Variants in SAMD12 observed in about 807,000 individuals in gnomAD.
The protein encoded by SAMD12 is sterile alpha motif domain-containing protein 12.
Under a neutral mutation model 15.0 loss-of-function variants are expected in SAMD12, and 9 were observed. The observed-to-expected ratio is 0.60, with a 90% CI of 0.36 to 1.05. The LOEUF is 1.05. Among genes scored for constraint, SAMD12 ranks in the 50% least tolerant of loss-of-function variants. The pLI, the probability that SAMD12 is intolerant of heterozygous loss-of-function variation, is 0.01. For missense variants in SAMD12, 230 were observed against 234.2 expected (o/e 0.98, Z 0.12); for synonymous variants, 86 against 90.1 (o/e 0.96, Z 0.25).
chr8:118,418,007 C>A (rs1046722370), intron 3 of SAMD12, among the ~76,000 whole-genome samples: 12 of 152,166 alleles, frequency 7.9e-5, no homozygotes, highest in African/African-American at 2.7e-4. Flanking sequence ...GCACAGCTGA[C>A]TTCCAGTTGG....
chr8:118,144,488 A>AT, the SAMD12 span, among the ~76,000 whole-genome samples: 1 of 152,154 alleles, frequency 6.6e-6, no homozygotes, highest in African/African-American at 2.4e-5. Flanking sequence ...TAGACATTTA[A>AT]TGATATTTGG....
intron 4 of SAMD12, among the ~76,000 whole-genome samples, chr8:118,308,259 C>T (rs1262894106): frequency 6.6e-6 from 1 of 152,084 alleles, no homozygotes. Flanking sequence ...CTTCCTCTTT[C>T]CACTCTTCTA....
the SAMD12 span, among the ~76,000 whole-genome samples, chr8:118,134,011 A>G: frequency 6.6e-6 from 1 of 152,168 alleles, no homozygotes; most frequent in East Asian, 1.9e-4. Flanking sequence ...TTCGAGCTCT[A>G]ATGTTACAAC....
chr8:118,424,559 T>G (rs956014388), intron 3 of SAMD12, among the ~76,000 whole-genome samples: 2 of 152,106 alleles, frequency 1.3e-5, no homozygotes, highest in African/African-American at 4.8e-5. Context: ...TTCTAAACAT[T>G]TAAGAGTAAC....
At chr8:118,468,302 G>T (rs550684706) in intron 2 of SAMD12, among the ~76,000 whole-genome samples, 1 of 151,946 alleles carries the variant, frequency 6.6e-6, no homozygotes, top group African/African-American at 2.4e-5. Context: ...GGAGAGATGG[G>T]TTTTTTTGCC....
chr8:118,204,918 G>A (rs1280880187), intron 4 of SAMD12, among the ~76,000 whole-genome samples: 1 of 152,182 alleles, frequency 6.6e-6, no homozygotes, highest in African/African-American at 2.4e-5. Context: ...AGTCTGTGAT[G>A]GTTAATTTTA....
intron 3 of SAMD12, among the ~76,000 whole-genome samples, chr8:118,420,203 G>C (rs1373964537): frequency 1.3e-5 from 2 of 152,188 alleles, no homozygotes; most frequent in African/African-American, 4.8e-5. Flanking sequence ...GCTAGAGAAA[G>C]AAAATCGGGA....
chr8:118,241,010 C>T (rs1200029915), intron 4 of SAMD12, among the ~76,000 whole-genome samples: 1 of 152,144 alleles, frequency 6.6e-6, no homozygotes, highest in Non-Finnish European at 1.5e-5. Flanking sequence ...TCGGCTTTAC[C>T]TTCCCCTACA....
chr8:118,483,507 T>A (rs1165036544), intron 2 of SAMD12, among the ~76,000 whole-genome samples: 3 of 152,312 alleles, frequency 2.0e-5, no homozygotes, highest in East Asian at 3.9e-4. Flanking sequence ...GAGACCAAGG[T>A]TGCCATCTAG....
At chr8:118,253,824 C>A (rs775098547) in intron 4 of SAMD12, among the ~76,000 whole-genome samples, 1 of 152,054 alleles carries the variant, frequency 6.6e-6, no homozygotes, top group Non-Finnish European at 1.5e-5. Flanking sequence ...AAATCAAAAC[C>A]CACTTATTCT....
At chr8:118,497,491 T>A (rs945310847) in intron 2 of SAMD12, among the ~76,000 whole-genome samples, 1 of 152,176 alleles carries the variant, frequency 6.6e-6, no homozygotes, top group Non-Finnish European at 1.5e-5. Context: ...CCTCATGTTC[T>A]CACTTATAAG....
intron 4 of SAMD12, among the ~76,000 whole-genome samples, chr8:118,325,934 A>C (rs1201328570): frequency 6.6e-6 from 1 of 152,200 alleles, no homozygotes; most frequent in African/African-American, 2.4e-5. Context: ...ACAACAGCCC[A>C]GCAGGGCGGC....
intron 4 of SAMD12, among the ~76,000 whole-genome samples, chr8:118,273,023 T>C (rs1813403642): frequency 6.6e-6 from 1 of 152,186 alleles, no homozygotes; most frequent in Admixed American, 6.5e-5. Flanking sequence ...AGTATCCTTA[T>C]AGCGGCACAA....
chr8:118,446,785 G>A (rs1465292935), intron 2 of SAMD12, among the ~76,000 whole-genome samples: 2 of 152,002 alleles, frequency 1.3e-5, no homozygotes, highest in Admixed American at 6.6e-5. Context: ...TTCACATGTC[G>A]TATCAGGGCT....
chr8:118,440,657 A>ACACACACACACAC (rs1822715196), intron 2 of SAMD12, among the ~76,000 whole-genome samples: 1 of 142,130 alleles, frequency 7.0e-6, no homozygotes, highest in Non-Finnish European at 1.5e-5. Flanking sequence ...TTATGAGGAA[A>ACACACACACACAC]ACACACACAC....
At chr8:118,383,477 A>G (rs1819777580) in intron 3 of SAMD12, among the ~76,000 whole-genome samples, 1 of 152,058 alleles carries the variant, frequency 6.6e-6, no homozygotes, top group East Asian at 1.9e-4. Context: ...AAGTTGCCAC[A>G]TGAATGAAAA....
rs567838138 is a variant in SAMD12, at chr8:118,331,236, A to G, written c.433+48324T>C. On this transcript the variant is annotated intron_variant, in intron 4 of 4. Transcript: ENST00000409003. Reference sequence around the variant, plus strand: ...AAAGATGGACTAAGAACATGGACTTAGTATACACAGCAGATGCACCAGGGG... The same window carrying G: ...AAAGATGGACTAAGAACATGGACTTGGTATACACAGCAGATGCACCAGGGG... Among the ~76,000 whole-genome samples the G allele has an allele frequency of 4.6e-5, 7 of 152,334 alleles. No individual in the cohort carries two copies. In the South Asian group the frequency reaches 1.4e-3, roughly 32 times the overall value.
chr8:118,621,789 C>G lies in SAMD12; in HGVS notation c.13+15G>C. On this transcript the variant is annotated intron_variant, in intron 1 of 3. Coordinates refer to ENST00000314727, the MANE Select transcript of SAMD12 (RefSeq NM_207506.3). ...GGTTAAGAGGGAGCTTAAAAATGCCCCAAGCGTCCCTTACCTTCCACAGCC... is the reference window on the plus strand; with the variant it reads ...GGTTAAGAGGGAGCTTAAAAATGCCGCAAGCGTCCCTTACCTTCCACAGCC... 6.2e-7 allele frequency: 1 copy of G among 1,614,002 alleles called. No homozygotes were observed. The highest frequency in any genetic ancestry group is 8.5e-7 in the Non-Finnish European group (1 of 1,179,914).
chr8:118,494,691 C>G (rs1052945779), intron 2 of SAMD12, among the ~76,000 whole-genome samples: 1 of 141,520 alleles, frequency 7.1e-6, no homozygotes, highest in Non-Finnish European at 1.6e-5. Flanking sequence ...CCTAGTTTCT[C>G]AAGGAGTTAG....
Sources: gnomAD v4.1 joint callset for allele counts (sites outside exome capture counted in the v4.1 genomes callset) on GRCh38, gnomAD v4.1.1 for gene constraint, MANE v1.5 for transcripts, NCBI Gene and HGNC (gene_info 2026-07-23, HGNC 2026-07-21) for gene names.